THSD7B: variants seen among roughly 807,000 people sequenced by gnomAD.
The protein encoded by THSD7B is thrombospondin type 1 domain containing 7B.
THSD7B carries 138 observed loss-of-function variants against 213.6 expected under a neutral mutation model. The observed-to-expected ratio is 0.65, with a 90% CI of 0.56 to 0.74. THSD7B has a LOEUF of 0.74. THSD7B is among the 30% of genes least tolerant of loss of function. THSD7B has a pLI of 0.00. For synonymous variants in THSD7B, 742 were observed against 687.0 expected (o/e 1.08, Z -1.25); for missense variants, 1,931 against 1,991.5 (o/e 0.97, Z 0.58).
At chr2:136,832,512 T>G (rs941197802) in intron 1 of THSD7B, among the ~76,000 whole-genome samples, 2 of 152,168 alleles carry the variant, frequency 1.3e-5, no homozygotes, top group African/African-American at 4.8e-5. Context: ...GCCTATCTAC[T>G]TTACTAAATT....
intron 2 of THSD7B, among the ~76,000 whole-genome samples, chr2:137,024,900 A>G (rs1319023274): frequency 6.6e-6 from 1 of 152,154 alleles, no homozygotes; most frequent in Admixed American, 6.5e-5. Context: ...TATTCCATCT[A>G]ATCACACATC....
chr2:136,879,221 A>T (rs1683576415), intron 1 of THSD7B, among the ~76,000 whole-genome samples: 1 of 152,136 alleles, frequency 6.6e-6, no homozygotes, highest in African/African-American at 2.4e-5. Context: ...AAGATCAAAT[A>T]GTTGTAGATG....
chr2:136,813,747 T>C (rs1489281656), intron 1 of THSD7B, among the ~76,000 whole-genome samples: 1 of 152,106 alleles, frequency 6.6e-6, no homozygotes, highest in Non-Finnish European at 1.5e-5. Flanking sequence ...CAAAGTGAGG[T>C]TGCTTGTTGT....
At chr2:137,057,295 C>G in intron 3 of THSD7B, 65 bp downstream of exon 3, 2 of 1,372,756 alleles carry the variant, frequency 1.5e-6, no homozygotes, top group Non-Finnish European at 2.0e-6. Flanking sequence ...CTTTATAAAG[C>G]TTCTTTATGA....
chr2:137,231,258 A>G (rs1201510622), intron 8 of THSD7B, 23 bp downstream of exon 8: 1 of 1,577,572 alleles, frequency 6.3e-7, no homozygotes, highest in African/African-American at 1.3e-5. Context: ...AAAGGTTTTC[A>G]CTTTGGATTC....
chr2:137,522,916 G>T (rs559324926), intron 15 of THSD7B, among the ~76,000 whole-genome samples: 12 of 152,336 alleles, frequency 7.9e-5, no homozygotes, highest in Non-Finnish European at 2.9e-5. Flanking sequence ...TGATGGCAAA[G>T]ATTGCATCTC....
At chr2:137,252,937 A>G (rs1381728135) in intron 10 of THSD7B, among the ~76,000 whole-genome samples, 1 of 46,944 alleles carries the variant, frequency 2.1e-5, no homozygotes, top group African/African-American at 1.1e-4. Context: ...TTTTTTTTTT[A>G]CTTCACAGCT....
At chr2:136,970,890 A>C (rs1685393815) in intron 2 of THSD7B, among the ~76,000 whole-genome samples, 1 of 152,194 alleles carries the variant, frequency 6.6e-6, no homozygotes, top group Admixed American at 6.5e-5. Context: ...GAATCTATAT[A>C]GCATTATATC....
chr2:136,863,871 TA>T (rs1683292429), intron 1 of THSD7B, among the ~76,000 whole-genome samples: 1 of 152,210 alleles, frequency 6.6e-6, no homozygotes, highest in African/African-American at 2.4e-5. Context: ...ATAAAAGATG[TA>T]AAAGTTATCC....
At chr2:136,969,559 T>A (rs756825294) in intron 2 of THSD7B, among the ~76,000 whole-genome samples, 28 of 152,330 alleles carry the variant, frequency 1.8e-4, no homozygotes, top group Non-Finnish European at 3.2e-4. Flanking sequence ...ATTTTCCTTT[T>A]CAAAGATTGG....
chr2:137,385,496 T>C (rs1381987062), intron 12 of THSD7B, among the ~76,000 whole-genome samples: 2 of 152,196 alleles, frequency 1.3e-5, no homozygotes, highest in Admixed American at 6.5e-5. Context: ...TCCACAGTAC[T>C]TGGCACCTTG....
chr2:137,346,062 T>G (rs746698821), intron 12 of THSD7B, among the ~76,000 whole-genome samples: 9 of 151,614 alleles, frequency 5.9e-5, no homozygotes, highest in Non-Finnish European at 8.9e-5. Flanking sequence ...TCCCTTATCC[T>G]CTTTACTTTT....
At chr2:137,324,020 A>G (rs1684316211) in intron 12 of THSD7B, among the ~76,000 whole-genome samples, 1 of 152,208 alleles carries the variant, frequency 6.6e-6, no homozygotes, top group South Asian at 2.1e-4. Context: ...GAGTGGCCCA[A>G]AAAGAGATTT....
chr2:136,908,737 G>C (rs75592760), intron 2 of THSD7B, among the ~76,000 whole-genome samples: 12 of 152,164 alleles, frequency 7.9e-5, no homozygotes, highest in Admixed American at 6.5e-4. Flanking sequence ...AGCTAGTGCC[G>C]AGGCTGAGTG....
At chr2:137,334,265 AG>A (rs961696981) in intron 12 of THSD7B, among the ~76,000 whole-genome samples, 1 of 151,872 alleles carries the variant, frequency 6.6e-6, no homozygotes, top group African/African-American at 2.4e-5. Context: ...GGAGGAAAGA[AG>A]GAGAGAAGTA....
intron 12 of THSD7B, among the ~76,000 whole-genome samples, chr2:137,310,121 C>A (rs1246886408): frequency 1.3e-5 from 2 of 151,972 alleles, no homozygotes; most frequent in East Asian, 3.9e-4. Context: ...ACAGTCCCAC[C>A]AACAGTGTAA....
At chr2:136,985,818 G>A (rs996526286) in intron 2 of THSD7B, among the ~76,000 whole-genome samples, 7 of 151,954 alleles carry the variant, frequency 4.6e-5, no homozygotes, top group Non-Finnish European at 1.0e-4. Flanking sequence ...TCTAGCTTAT[G>A]AGAGCAGCCA....
intron 3 of THSD7B, among the ~76,000 whole-genome samples, chr2:137,072,883 T>C (rs1258948673): frequency 1.3e-5 from 2 of 152,228 alleles, no homozygotes; most frequent in Non-Finnish European, 2.9e-5. Flanking sequence ...TGTCTTTGGT[T>C]CTGTTTATAT....
At chr2:137,565,188 C>T (rs1414825315) in intron 16 of THSD7B, among the ~76,000 whole-genome samples, 2 of 152,164 alleles carry the variant, frequency 1.3e-5, no homozygotes, top group Admixed American at 6.6e-5. Context: ...AAATAAAGTT[C>T]TGTCATTTAA....
Sources: allele counts gnomAD v4.1 joint callset (sites outside exome capture counted in the v4.1 genomes callset), GRCh38; gene constraint gnomAD v4.1.1; transcripts MANE v1.5; gene names NCBI Gene and HGNC (gene_info 2026-07-23, HGNC 2026-07-21).